KLHL32: variants seen among roughly 807,000 people sequenced by gnomAD.
The protein encoded by KLHL32 is kelch-like protein 32.
Under a neutral mutation model 64.8 loss-of-function variants are expected in KLHL32, and 35 were observed. The ratio of observed to expected loss-of-function variants is 0.54; its 90% confidence interval spans 0.41 to 0.72. The LOEUF (loss-of-function observed/expected upper bound fraction) is 0.72, where lower values mean the gene tolerates loss of function less well. Ranked by LOEUF, KLHL32 falls within the 30% of genes least tolerant of loss-of-function variation. KLHL32 has a pLI of 0.00. For synonymous variants in KLHL32, 259 were observed against 281.0 expected (o/e 0.92, Z 0.78); for missense variants, 589 against 768.5 (o/e 0.77, Z 2.76).
intron 3 of KLHL32, among the ~76,000 whole-genome samples, chr6:96,977,299 T>G (rs1381375186): frequency 1.3e-5 from 2 of 152,172 alleles, no homozygotes; most frequent in Non-Finnish European, 2.9e-5. Flanking sequence ...CAGTAAGAAG[T>G]CACACAGTTC....
chr6:96,940,341 G>A (rs375233555), intron 1 of KLHL32, among the ~76,000 whole-genome samples: 1 of 151,964 alleles, frequency 6.6e-6, no homozygotes, highest in Non-Finnish European at 1.5e-5. Flanking sequence ...AGGTAGAGAG[G>A]GATAAGCAAA....
intron 5 of KLHL32, among the ~76,000 whole-genome samples, chr6:97,077,286 G>A (rs896045074): frequency 1.2e-4 from 19 of 152,074 alleles, no homozygotes; most frequent in Non-Finnish European, 2.1e-4. Flanking sequence ...TGAAGCAAAC[G>A]ATGTCTTTAA....
intron 1 of KLHL32, among the ~76,000 whole-genome samples, chr6:96,958,950 A>G (rs917992957): frequency 6.6e-6 from 1 of 151,974 alleles, no homozygotes; most frequent in East Asian, 1.9e-4. Context: ...TACACTTTGG[A>G]CCCTCATCCC....
At chr6:97,067,815 G>A (rs773591172) in intron 5 of KLHL32, among the ~76,000 whole-genome samples, 1 of 152,276 alleles carries the variant, frequency 6.6e-6, no homozygotes, top group South Asian at 2.1e-4. Context: ...GGCCAGGCCT[G>A]TTCCTCCCTG....
At chr6:97,105,380 G>C (rs573477289) in intron 6 of KLHL32, 48 of 465,614 alleles carry the variant, frequency 1.0e-4, no homozygotes, top group Non-Finnish European at 2.0e-4. Context: ...GTTTGATGGA[G>C]GTTCAGGAGT....
intron 5 of KLHL32, among the ~76,000 whole-genome samples, chr6:97,084,627 G>A (rs1303015781): frequency 6.6e-6 from 1 of 152,162 alleles, no homozygotes; most frequent in Non-Finnish European, 1.5e-5. Context: ...GTTAAGACAG[G>A]ATGGGTTGTT....
chr6:97,042,121 G>A (rs1785214877), intron 4 of KLHL32, among the ~76,000 whole-genome samples: 1 of 152,138 alleles, frequency 6.6e-6, no homozygotes, highest in African/African-American at 2.4e-5. Flanking sequence ...GGACATCAGA[G>A]GATATCCATT....
intron 3 of KLHL32, among the ~76,000 whole-genome samples, chr6:97,032,375 C>T (rs933426394): frequency 2.6e-5 from 4 of 152,086 alleles, no homozygotes; most frequent in South Asian, 2.1e-4. Flanking sequence ...CTCATACAAA[C>T]GTGCAAATAT....
chr6:96,976,080 G>A lies in KLHL32; in HGVS notation c.107G>A (p.Arg36Lys), dbSNP rs1387704809. 6.2e-7 allele frequency: 1 copy of A among 1,609,918 alleles called. No homozygotes were observed. Residue 36 changes from arginine (R) to lysine (K), a missense_variant, in exon 3 of 11, where the codon AGG becomes AAG. Physicochemically the swap from Arg to Lys is conservative, Grantham distance 26 (BLOSUM62 2). Around this residue, in one of 3 missense-constraint regions of KLHL32, gnomAD observed 191 missense variants for 223.3 expected, o/e 0.86. Transcript: ENST00000369261. ...DSVLAALNQQRSDGILCDITL... is the reference protein window; with the variant it reads ...DSVLAALNQQKSDGILCDITL... ...GTCCTGGCAGCGCTGAATCAGCAGAGGAGTGATGGCATCCTCTGCGACATC... is the reference window on the plus strand; with the variant it reads ...GTCCTGGCAGCGCTGAATCAGCAGAAGAGTGATGGCATCCTCTGCGACATC...
chr6:96,982,578 C>T (rs1248437348), intron 3 of KLHL32, among the ~76,000 whole-genome samples: 2 of 152,118 alleles, frequency 1.3e-5, no homozygotes, highest in Non-Finnish European at 2.9e-5. Flanking sequence ...TGTGGTTCTC[C>T]TTGAAGAGGT....
intron 6 of KLHL32, among the ~76,000 whole-genome samples, chr6:97,090,830 T>G (rs557659821): frequency 6.6e-6 from 1 of 152,378 alleles, no homozygotes; most frequent in African/African-American, 2.4e-5. Context: ...ATGTCTACTT[T>G]GGTCTATAGC....
intron 1 of KLHL32, among the ~76,000 whole-genome samples, chr6:96,949,040 AC>A (rs1772256550): frequency 3.3e-5 from 5 of 152,174 alleles, no homozygotes; most frequent in Admixed American, 1.3e-4. Flanking sequence ...GCTTTCCCTG[AC>A]AACACAGTAA....
the KLHL32 span, among the ~76,000 whole-genome samples, chr6:96,907,486 G>C: frequency 6.6e-6 from 1 of 152,170 alleles, no homozygotes; most frequent in Admixed American, 6.5e-5. Context: ...TTCACACTCA[G>C]AAATTTTTTT....
At chr6:97,139,058 T>C in intron 10 of KLHL32, 63 bp from the exon 11 acceptor site, 7 of 1,480,254 alleles carry the variant, frequency 4.7e-6, no homozygotes, top group Non-Finnish European at 6.4e-6. Flanking sequence ...CTTTTATGTA[T>C]ACATAGCTTT....
rs183911991 is a variant in KLHL32 at position 97,091,950 on chromosome 6, T to A, written c.627+6609T>A. ...CAAACAAAATTATAATTTTTCATCA[T>A]GTTCCTGCCCTTCTTCAATTCTCTT... On this transcript the variant is annotated intron_variant, in intron 6 of 10. Transcript: ENST00000369261. Among the ~76,000 whole-genome samples the A allele has an allele frequency of 2.0e-3, 303 of 152,046 alleles. 1 individual carries two copies. Among genetic ancestry groups the A allele is most frequent in the Non-Finnish European group, 3.6e-3 (242 of 67,956 alleles).
At chr6:97,056,648 T>C (rs1488436032) in intron 4 of KLHL32, among the ~76,000 whole-genome samples, 1 of 152,214 alleles carries the variant, frequency 6.6e-6, no homozygotes, top group Non-Finnish European at 1.5e-5. Flanking sequence ...TCTTATGCTA[T>C]TGACTCCCAG....
intron 6 of KLHL32, among the ~76,000 whole-genome samples, chr6:97,110,794 T>G (rs1370569564): frequency 6.6e-6 from 1 of 152,216 alleles, no homozygotes; most frequent in African/African-American, 2.4e-5. Context: ...TGGAGCTAGC[T>G]GGCTATTTCG....
At chr6:97,006,430 C>T (rs541651222) in intron 3 of KLHL32, among the ~76,000 whole-genome samples, 9 of 152,252 alleles carry the variant, frequency 5.9e-5, no homozygotes, top group East Asian at 3.9e-4. Context: ...CCTCTTGAAG[C>T]GAGCATACAG....
At chr6:97,041,710 G>T in intron 4 of KLHL32, 111 bp downstream of exon 4, 1 of 616,382 alleles carries the variant, frequency 1.6e-6, no homozygotes, top group Non-Finnish European at 2.8e-6. Flanking sequence ...TCATTTTGAT[G>T]TTAAAAATAA....
Sources: gnomAD v4.1 joint callset for allele counts (sites outside exome capture counted in the v4.1 genomes callset) on GRCh38, gnomAD v4.1.1 for gene constraint, gnomAD v4.1.1 regional missense constraint, MANE v1.5 for transcripts, NCBI Gene and HGNC (gene_info 2026-07-23, HGNC 2026-07-21) for gene names.